The following RBFOX1 variants were observed in gnomAD, a reference collection of about 807,000 sequenced individuals.
RBFOX1 encodes RNA binding fox-1 homolog 1, also known as RNA binding protein fox-1 homolog 1.
RBFOX1 carries 8 observed loss-of-function variants against 57.7 expected under a neutral mutation model. The observed-to-expected ratio is 0.14, with a 90% CI of 0.08 to 0.25. RBFOX1 has a LOEUF of 0.25. Ranked by LOEUF, RBFOX1 falls within the 10% of genes least tolerant of loss-of-function variation. The pLI is 1.00. For synonymous variants in RBFOX1, 326 were observed against 222.4 expected (o/e 1.47, Z -4.15); for missense variants, 611 against 548.5 (o/e 1.11, Z -1.14).
intron 2 of RBFOX1, among the ~76,000 whole-genome samples, chr16:6,415,315 C>T (rs1389967249): frequency 1.3e-5 from 2 of 150,772 alleles, no homozygotes; most frequent in Admixed American, 6.6e-5. Flanking sequence ...ACTAGTGTTA[C>T]CCCATTTTCA....
chr16:5,944,054 C>T lies in RBFOX1; in HGVS notation c.351+76719C>T, dbSNP rs574420120. Among the ~76,000 whole-genome samples, 7 of 152,126 alleles carry T rather than the reference C, an allele frequency of 4.6e-5. No homozygotes were observed. In the East Asian group the frequency reaches 1.2e-3, roughly 25 times the overall value. On this transcript the variant is annotated intron_variant, in intron 4 of 19. Transcript: ENST00000641259. ...TTCATCCAGTTATCATCAATCCATC[C>T]ATCCATCCATCATTCAGCCCACATA...
In RBFOX1 at chr16:5,657,622, C is replaced by CTTTCTT. The variant is rs1433340400; in HGVS notation, c.318+58662_318+58663insTTCTTT. Among the ~76,000 whole-genome samples, 19 of 102,996 alleles carry CTTTCTT rather than the reference C, an allele frequency of 1.8e-4. 3 individuals carry two copies. The highest frequency in any genetic ancestry group is 5.5e-4 in the East Asian group (2 of 3,646). The allele number at this position is 102,996 out of a possible 152,430, so 67.6% of individuals were successfully genotyped here. On this transcript the variant is annotated intron_variant, in intron 3 of 19. Coordinates refer to the RBFOX1 transcript ENST00000641259. ...TTTCTCGCTCGCTTTCTTTCTTTCT[C>CTTTCTT]TCTTTCTTTCTTTCTTTCTTTCTTT...
At chr16:7,709,199 A>T (rs2083458805) in intron 15 of RBFOX1, 68 bp downstream of exon 15, 1 of 1,442,976 alleles carries the variant, frequency 6.9e-7, no homozygotes, top group African/African-American at 1.4e-5. Context: ...CTGGGACCTC[A>T]GTACGGGTTG....
chr16:7,511,326 G>A (rs754246504), intron 4 of RBFOX1, among the ~76,000 whole-genome samples: 3 of 152,116 alleles, frequency 2.0e-5, no homozygotes, highest in African/African-American at 4.8e-5. Context: ...ACCACTCAGG[G>A]CAACGAATGG....
intron 3 of RBFOX1, among the ~76,000 whole-genome samples, chr16:6,789,965 C>T (rs1007411482): frequency 6.6e-5 from 10 of 151,412 alleles, no homozygotes; most frequent in African/African-American, 1.9e-4. Flanking sequence ...TCTGGTCTTC[C>T]GTAACTTACT....
At chr16:6,398,725 C>T (rs143660044) in intron 2 of RBFOX1, among the ~76,000 whole-genome samples, 7 of 152,246 alleles carry the variant, frequency 4.6e-5, no homozygotes, top group Non-Finnish European at 1.0e-4. Context: ...TGGGGCACAG[C>T]CACCTTTCCA....
At chr16:7,418,710 C>G (rs530889281) in intron 4 of RBFOX1, among the ~76,000 whole-genome samples, 7 of 152,274 alleles carry the variant, frequency 4.6e-5, no homozygotes, top group Admixed American at 2.6e-4. Context: ...TTGATGCTAT[C>G]TGCTCTCTAG....
chr16:6,073,585 TC>T (rs1180106948), intron 1 of RBFOX1, among the ~76,000 whole-genome samples: 18 of 152,212 alleles, frequency 1.2e-4, no homozygotes, highest in African/African-American at 4.3e-4. Flanking sequence ...GTAATACACT[TC>T]CGTTTTGGAA....
intron 4 of RBFOX1, among the ~76,000 whole-genome samples, chr16:5,932,329 G>A (rs1336474265): frequency 6.6e-6 from 1 of 152,206 alleles, no homozygotes. Context: ...TTGTCTGACA[G>A]CTGCCAGAAA....
intron 4 of RBFOX1, among the ~76,000 whole-genome samples, chr16:7,266,469 T>G (rs1293067000): frequency 6.6e-6 from 1 of 152,224 alleles, no homozygotes; most frequent in African/African-American, 2.4e-5. Flanking sequence ...GTGAGTCAAT[T>G]AAACCTCTTT....
chr16:5,649,484 T>A (rs1372037771), intron 3 of RBFOX1, among the ~76,000 whole-genome samples: 1 of 152,180 alleles, frequency 6.6e-6, no homozygotes, highest in Non-Finnish European at 1.5e-5. Flanking sequence ...ATAATATTTT[T>A]AAAATGTGTT....
At chr16:6,846,352 G>T (rs1051914404) in intron 3 of RBFOX1, among the ~76,000 whole-genome samples, 4 of 152,152 alleles carry the variant, frequency 2.6e-5, no homozygotes, top group African/African-American at 7.2e-5. Context: ...CTCACTTAAC[G>T]CAGGGTGGCT....
chr16:7,215,533 C>G (rs541160087), intron 4 of RBFOX1, among the ~76,000 whole-genome samples: 3 of 152,134 alleles, frequency 2.0e-5, no homozygotes, highest in African/African-American at 7.2e-5. Context: ...CAAAATTCAC[C>G]CATTTTAAGT....
intron 2 of RBFOX1, among the ~76,000 whole-genome samples, chr16:5,507,730 A>G (rs8046862): frequency 0.25 from 38,464 of 152,162 alleles, 11,398 homozygotes; most frequent in African/African-American, 0.72. Context: ...GGAAACAGAC[A>G]CACACAGAGG....
intron 3 of RBFOX1, among the ~76,000 whole-genome samples, chr16:6,931,590 A>G (rs1273937934): frequency 6.6e-6 from 1 of 152,072 alleles, no homozygotes; most frequent in African/African-American, 2.4e-5. Context: ...ACAATGGACA[A>G]CATATCCCAC....
Position 6,491,106 on chromosome 16 carries a change from A to C in RBFOX1, c.-63-163497A>C, listed in dbSNP as rs373185271. On this transcript the variant is annotated intron_variant, in intron 2 of 15. Coordinates refer to ENST00000550418, the MANE Select transcript of RBFOX1 (RefSeq NM_018723.4). Reference sequence around the variant, plus strand: ...ACTAAAATTTAAATTATACGTGTATATATAGTTATATCTATAGTTAAGCTA... The same window carrying C: ...ACTAAAATTTAAATTATACGTGTATCTATAGTTATATCTATAGTTAAGCTA... Among the ~76,000 whole-genome samples, 11 of 152,120 alleles carry C rather than the reference A, an allele frequency of 7.2e-5. No individual in the cohort carries two copies. In the East Asian group the frequency reaches 2.1e-3, roughly 29 times the overall value.
intron 2 of RBFOX1, among the ~76,000 whole-genome samples, chr16:6,491,155 C>G (rs948203585): frequency 6.6e-6 from 1 of 151,480 alleles, no homozygotes; most frequent in South Asian, 2.1e-4. Context: ...TATGTATAGA[C>G]TAGAAGCTAC....
At chr16:7,199,515 G>A (rs186302871) in intron 4 of RBFOX1, among the ~76,000 whole-genome samples, 23 of 152,258 alleles carry the variant, frequency 1.5e-4, no homozygotes, top group African/African-American at 5.5e-4. Context: ...ACCTGTCATT[G>A]CTGTGTATAC....
chr16:7,104,543 AAAT>A (rs1291010127), intron 4 of RBFOX1, among the ~76,000 whole-genome samples: 1 of 152,154 alleles, frequency 6.6e-6, no homozygotes, highest in African/African-American at 2.4e-5. Flanking sequence ...AAGATTACGC[AAAT>A]AATTTATGAT....
Sources: allele counts gnomAD v4.1 joint callset (sites outside exome capture counted in the v4.1 genomes callset), GRCh38; gene constraint gnomAD v4.1.1; transcripts MANE v1.5; gene names NCBI Gene and HGNC (gene_info 2026-07-23, HGNC 2026-07-21).